Variants in CCSER1 observed in about 807,000 individuals in gnomAD.
The protein encoded by CCSER1 is coiled-coil serine rich protein 1.
A neutral mutation model predicts 82.0 loss-of-function variants in CCSER1; 41 were observed. The observed-to-expected ratio is 0.50, with a 90% CI of 0.39 to 0.65. The LOEUF (loss-of-function observed/expected upper bound fraction) is 0.65. Among genes scored for constraint, CCSER1 ranks in the 30% least tolerant of loss-of-function variants. The probability of loss-of-function intolerance (pLI) is 0.00; values close to 1 mark genes in which losing one functional copy is unlikely to be tolerated. For synonymous variants in CCSER1, 414 were observed against 383.9 expected (o/e 1.08, Z -0.92); for missense variants, 1,119 against 1,064.2 (o/e 1.05, Z -0.72).
intron 5 of CCSER1, among the ~76,000 whole-genome samples, chr4:90,480,682 G>A (rs1026088970): frequency 6.6e-6 from 1 of 152,028 alleles, no homozygotes; most frequent in African/African-American, 2.4e-5. Flanking sequence ...AAGATCAGAT[G>A]GTTGCATATG....
chr4:91,483,694 C>T (rs1184211580), intron 10 of CCSER1, among the ~76,000 whole-genome samples: 1 of 152,148 alleles, frequency 6.6e-6, no homozygotes, highest in Non-Finnish European at 1.5e-5. Context: ...CCTCGGCCTC[C>T]CAAAATGCTG....
At chr4:90,264,513 A>G (rs1724903760) in intron 1 of CCSER1, among the ~76,000 whole-genome samples, 1 of 152,194 alleles carries the variant, frequency 6.6e-6, no homozygotes, top group Admixed American at 6.6e-5. Flanking sequence ...CACCTACAAC[A>G]CAAACTAACA....
intron 7 of CCSER1, among the ~76,000 whole-genome samples, chr4:90,765,196 G>A (rs1285126266): frequency 1.3e-5 from 2 of 152,004 alleles, no homozygotes; most frequent in East Asian, 1.9e-4. Context: ...AACTTGAATT[G>A]GAATAACATT....
At chr4:90,879,639 G>C (rs1580899047) in intron 8 of CCSER1, among the ~76,000 whole-genome samples, 1 of 150,034 alleles carries the variant, frequency 6.7e-6, no homozygotes. Flanking sequence ...AAAGAAGAAA[G>C]AAGAAAGAGG....
At chr4:91,198,726 A>G (rs1735658875) in intron 10 of CCSER1, among the ~76,000 whole-genome samples, 1 of 152,170 alleles carries the variant, frequency 6.6e-6, no homozygotes, top group South Asian at 2.1e-4. Context: ...GACGTGGTGG[A>G]AAATTAGCCC....
intron 3 of CCSER1, among the ~76,000 whole-genome samples, chr4:90,391,724 G>C (rs1751186386): frequency 6.6e-6 from 1 of 151,458 alleles, no homozygotes; most frequent in South Asian, 2.1e-4. Context: ...TGGGAACACA[G>C]ATTAGAAGGT....
At position 90,887,998 on chromosome 4, in the gene CCSER1, C is replaced by T. The variant is rs60188138; in HGVS notation, c.2095-35372C>T. ...AAAAGCAAAAATGTAGTGGGTGCAA[C>T]GGAGAAAAAGTTGTAAAAAGCCCAT... On this transcript the variant is annotated intron_variant, in intron 8 of 10. Coordinates refer to ENST00000509176, the MANE Select transcript of CCSER1 (RefSeq NM_001145065.2). 8.0e-3 allele frequency among the ~76,000 whole-genome samples: 1,210 copies of T among 151,922 alleles called. 11 individuals are homozygous for T. The highest frequency in any genetic ancestry group is 0.028 in the African/African-American group (1,141 of 41,438).
At chr4:90,849,873 T>G (rs982240204) in intron 8 of CCSER1, among the ~76,000 whole-genome samples, 1 of 150,052 alleles carries the variant, frequency 6.7e-6, no homozygotes, top group Non-Finnish European at 1.5e-5. Flanking sequence ...AGGAGGTGAA[T>G]GTTAATCACC....
chr4:90,942,665 T>TA (rs35926439), intron 9 of CCSER1, among the ~76,000 whole-genome samples: 4,106 of 151,278 alleles, frequency 0.027, 162 homozygotes, highest in African/African-American at 0.086. Flanking sequence ...CTATCTTTGT[T>TA]AAAAAAAAGA....
At chr4:90,323,635 C>A (rs1737578063) in intron 3 of CCSER1, among the ~76,000 whole-genome samples, 1 of 151,960 alleles carries the variant, frequency 6.6e-6, no homozygotes, top group African/African-American at 2.4e-5. Flanking sequence ...GTGGTTTGGG[C>A]AATGCAACAG....
At chr4:90,271,846 ATATATATATATATATATTTT>A (rs1191756379) in intron 1 of CCSER1, among the ~76,000 whole-genome samples, 5 of 24,854 alleles carry the variant, frequency 2.0e-4, no homozygotes, top group African/African-American at 7.9e-4. Context: ...ATATATATAT[ATATATATATATATATATTTT>A]TTTTTTTTTT....
intron 7 of CCSER1, among the ~76,000 whole-genome samples, chr4:90,805,556 T>C (rs1757396771): frequency 6.6e-6 from 1 of 152,170 alleles, no homozygotes; most frequent in African/African-American, 2.4e-5. Context: ...TCAATAAGAC[T>C]AGCCAAGATG....
At chr4:91,264,514 G>C (rs917955054) in intron 10 of CCSER1, among the ~76,000 whole-genome samples, 1 of 151,840 alleles carries the variant, frequency 6.6e-6, no homozygotes, top group Non-Finnish European at 1.5e-5. Context: ...GATGCTTAAA[G>C]CTTCCTTTAT....
rs989300463 is a variant in CCSER1 at position 91,177,764 on chromosome 4, A to C, written c.2217+91770A>C. Among the ~76,000 whole-genome samples, 3 of 152,210 alleles carry C rather than the reference A, an allele frequency of 2.0e-5. No homozygotes were observed. The South Asian group carries it at 6.2e-4, about 32-fold the overall frequency. ...GATTTTGTTGATCTTTTCAAAAAAC[A>C]ATCTCCTGGATTCATTGATTTTTTG... On this transcript the variant is annotated intron_variant, in intron 10 of 10. Coordinates refer to ENST00000509176, the MANE Select transcript of CCSER1 (RefSeq NM_001145065.2).
intron 5 of CCSER1, among the ~76,000 whole-genome samples, chr4:90,589,183 G>T (rs568508822): frequency 1.9e-4 from 29 of 152,176 alleles, no homozygotes; most frequent in African/African-American, 7.0e-4. Flanking sequence ...AAGGAGGAAA[G>T]CATTTATTAA....
chr4:91,477,445 G>GA (rs1757657131), intron 10 of CCSER1, among the ~76,000 whole-genome samples: 1 of 151,584 alleles, frequency 6.6e-6, no homozygotes, highest in African/African-American at 2.4e-5. Flanking sequence ...GCAGGGTTTG[G>GA]ATTTAATGCT....
chr4:90,517,823 G>A (rs958922725), intron 5 of CCSER1, among the ~76,000 whole-genome samples: 3 of 152,080 alleles, frequency 2.0e-5, no homozygotes, highest in Admixed American at 6.6e-5. Flanking sequence ...TAATAATTCT[G>A]TGAGGTGGGT....
At chr4:90,967,032 G>C (rs115216860) in intron 9 of CCSER1, among the ~76,000 whole-genome samples, 2,211 of 152,102 alleles carry the variant, frequency 0.015, 76 homozygotes, top group African/African-American at 0.051. Flanking sequence ...AGGGAGTGTG[G>C]TACTGGCATA....
rs1724613066 is a variant in CCSER1, at chr4:90,140,766, G to C, written c.-42+12935G>C. Among the ~76,000 whole-genome samples the C allele has an allele frequency of 2.1e-5, 3 of 146,066 alleles. No individual in the cohort carries two copies. In the South Asian group the frequency reaches 6.6e-4, roughly 32 times the overall value. ...TGTAACCTCCAACTCCCTGGTTCAA[G>C]GGATTCTCCTGCCTCTGCCTCCTGA... On this transcript the variant is annotated intron_variant, in intron 1 of 10. Transcript: ENST00000509176.
Sources: allele counts gnomAD v4.1 joint callset (sites outside exome capture counted in the v4.1 genomes callset), GRCh38; gene constraint gnomAD v4.1.1; transcripts MANE v1.5; gene names NCBI Gene and HGNC (gene_info 2026-07-23, HGNC 2026-07-21).